COQ3: variants seen among roughly 807,000 people sequenced by gnomAD.
COQ3 encodes the protein coenzyme Q3, methyltransferase.
COQ3 carries 29 observed loss-of-function variants against 33.1 expected under a neutral mutation model. That is an observed-to-expected ratio of 0.88 (90% confidence interval 0.65 to 1.19). COQ3 has a LOEUF of 1.19. COQ3 is among the 50% of genes most tolerant of loss of function. The pLI is 0.00. For missense variants in COQ3, 437 were observed against 430.7 expected (o/e 1.01, Z -0.13); for synonymous variants, 173 against 157.8 (o/e 1.10, Z -0.72).
intron 1 of COQ3, 136 bp from the exon 2 acceptor site, chr6:99,383,960 G>A: frequency 3.4e-6 from 2 of 596,026 alleles, no homozygotes; most frequent in East Asian, 4.0e-5. Flanking sequence ...GAGTGTAATG[G>A]CACAATCATG....
intron 3 of COQ3, among the ~76,000 whole-genome samples, chr6:99,378,081 C>T (rs1447703987): frequency 1.5e-5 from 2 of 129,554 alleles, no homozygotes; most frequent in African/African-American, 2.9e-5. Context: ...AGTATATATA[C>T]ACCTAACAGT....
In COQ3 at chr6:99,380,225, A is replaced by C; in HGVS notation, c.350T>G (p.Leu117Arg). 6.2e-7 allele frequency: 1 copy of C among 1,614,012 alleles called. No individual in the cohort carries two copies. The highest frequency in any genetic ancestry group is 8.5e-7 in the Non-Finnish European group (1 of 1,179,940). The change falls in exon 3 of 7, where the codon CTT becomes CGT. Residue 117 changes from leucine (L) to arginine (R), a missense_variant. Physicochemically the swap from Leu to Arg is moderately radical, Grantham distance 102 (BLOSUM62 -2). Transcript: ENST00000254759. ...CACCCTCAGGTCATTCATGGAATGA[A>C]GAGGTGCATATACTCCTTGTTCATC... ...WWDEQGVYAP[L>R]HSMNDLRVPF...
At chr6:99,375,894 A>G (rs759111764) in intron 5 of COQ3, 46 bp downstream of exon 5, 2 of 1,603,044 alleles carry the variant, frequency 1.2e-6, no homozygotes, top group South Asian at 1.1e-5. Flanking sequence ...ATACAAATAC[A>G]CACACTCAGA....
In COQ3 at chr6:99,389,974, C is replaced by T. The variant is rs6917344; in HGVS notation, c.106+4100G>A. ...ACTAAAAATACAAAAATTAGCCAGG[C>T]GTGGTGGGGTGCGCCTGTAGTCCCA... On this transcript the variant is annotated intron_variant, in intron 1 of 6. Transcript: ENST00000254759. Among the ~76,000 whole-genome samples the T allele has an allele frequency of 7.2e-5, 11 of 152,100 alleles. No homozygotes were observed. The South Asian group carries it at 1.2e-3, about 17-fold the overall frequency.
chr6:99,369,457 T>C lies in COQ3; in HGVS notation c.*143A>G. ...CCTTGAAAGTAGCTATTAGACGAAA[T>C]AACAAAAACTTTTGTCCAAGGTTTT... On this transcript the variant is annotated 3_prime_UTR_variant, in exon 7 of 7. Coordinates refer to ENST00000254759, the MANE Select transcript of COQ3 (RefSeq NM_017421.4). 1 of 645,902 alleles carries C rather than the reference T, an allele frequency of 1.5e-6. No homozygotes were observed. The highest frequency in any genetic ancestry group is 2.7e-5 in the East Asian group (1 of 37,618). 40.0% of individuals were successfully genotyped at this position (645,902 alleles called of 1,614,324 possible).
At position 99,380,236 on chromosome 6, in the gene COQ3, T is replaced by C. The variant is rs745768147; in HGVS notation, c.339A>G (p.Val113=). 1 of 1,614,084 alleles carries C rather than the reference T, an allele frequency of 6.2e-7. No individual in the cohort carries two copies. The highest frequency in any genetic ancestry group is 8.5e-7 in the Non-Finnish European group (1 of 1,179,996). The change falls in exon 3 of 7, where the codon GTA becomes GTG. Residue 113 remains valine (V), a synonymous_variant. Coordinates refer to ENST00000254759, the MANE Select transcript of COQ3 (RefSeq NM_017421.4). ...LAHKWWDEQG[V]YAPLHSMNDL... is the part of the protein sequence containing the mutation. ...CATTCATGGAATGAAGAGGTGCATA[T>C]ACTCCTTGTTCATCCCACCATTTGT... is the stretch of plus-strand genomic sequence containing the variant.
intron 1 of COQ3, among the ~76,000 whole-genome samples, chr6:99,393,610 A>T (rs1449982749): frequency 4.6e-5 from 7 of 152,252 alleles, no homozygotes; most frequent in Non-Finnish European, 7.3e-5. Context: ...TTGCAAATGC[A>T]GTCTGTTGGA....
intron 5 of COQ3, among the ~76,000 whole-genome samples, chr6:99,374,979 T>C (rs1415173071): frequency 1.3e-5 from 2 of 151,802 alleles, no homozygotes; most frequent in Non-Finnish European, 2.9e-5. Context: ...TCCAAATCAA[T>C]TTCTTTCTTT....
intron 1 of COQ3, among the ~76,000 whole-genome samples, chr6:99,389,618 T>G (rs753937311): frequency 6.6e-6 from 1 of 152,210 alleles, no homozygotes; most frequent in Non-Finnish European, 1.5e-5. Context: ...TTTATACATA[T>G]GCAATCATTT....
intron 5 of COQ3, among the ~76,000 whole-genome samples, chr6:99,372,373 A>G (rs1166512920): frequency 6.6e-6 from 1 of 152,022 alleles, no homozygotes; most frequent in Admixed American, 6.6e-5. Flanking sequence ...TAAAGAGAAC[A>G]ACATGAGCAC....
intron 1 of COQ3, among the ~76,000 whole-genome samples, chr6:99,385,976 C>CAAAAAAAAAAAAAAAAAA (rs61403627): frequency 1.0e-5 from 1 of 97,744 alleles, no homozygotes; most frequent in Non-Finnish European, 1.9e-5. Flanking sequence ...GACTCTGTCT[C>CAAAAAAAAAAAAAAAAAA]AAAAAAAAAA....
intron 5 of COQ3, among the ~76,000 whole-genome samples, chr6:99,372,457 G>A (rs552962348): frequency 3.3e-5 from 5 of 152,074 alleles, no homozygotes; most frequent in East Asian, 1.9e-4. Context: ...TTGCTCTGTC[G>A]CCCAGGGTAG....
At position 99,374,132 on chromosome 6, in the gene COQ3, A is replaced by AT. The variant is rs879480562; in HGVS notation, c.729+1807_729+1808insA. ...GCAAACTGACATTAGCAAAAAAAAAAAAAAAAAAAAATTAATAAAATTTAA... is the reference window on the plus strand; with the variant it reads ...GCAAACTGACATTAGCAAAAAAAAAATAAAAAAAAAAATTAATAAAATTTAA... On this transcript the variant is annotated intron_variant, in intron 5 of 6. Coordinates refer to ENST00000254759, the MANE Select transcript of COQ3 (RefSeq NM_017421.4). 2.4e-4 allele frequency among the ~76,000 whole-genome samples: 36 copies of AT among 149,612 alleles called. No individual in the cohort carries two copies. The South Asian group carries it at 4.7e-3, about 19-fold the overall frequency.
At chr6:99,371,280 G>A in intron 6 of COQ3, 148 bp downstream of exon 6, 2 of 554,462 alleles carry the variant, frequency 3.6e-6, no homozygotes, top group Non-Finnish European at 6.1e-6. Context: ...GCTTCCATGA[G>A]TTTATGACCT....
intron 3 of COQ3, among the ~76,000 whole-genome samples, chr6:99,379,139 A>G (rs1331403410): frequency 6.6e-6 from 1 of 151,942 alleles, no homozygotes; most frequent in Non-Finnish European, 1.5e-5. Context: ...AGCATTAGGT[A>G]TATCTCCTAA....
chr6:99,388,251 TAACAATG>T (rs1238088991), intron 1 of COQ3, among the ~76,000 whole-genome samples: 1 of 152,196 alleles, frequency 6.6e-6, no homozygotes, highest in Non-Finnish European at 1.5e-5. Context: ...TTCTATATAT[TAACAATG>T]AACAAGTGGA....
chr6:99,383,811 G>T lies in COQ3; in HGVS notation c.120C>A (p.Asn40Lys). The T allele has an allele frequency of 6.4e-7, 1 of 1,572,308 alleles. No homozygotes were observed. Among genetic ancestry groups the T allele is most frequent in the African/African-American group, 1.4e-5 (1 of 72,084 alleles). The change falls in exon 2 of 7, where the codon AAC (asparagine) becomes AAA (lysine). Residue 40 changes from asparagine to lysine, a missense_variant. By Grantham distance (94) the Asn-to-Lys change is moderately conservative. Coordinates refer to ENST00000254759, the MANE Select transcript of COQ3 (RefSeq NM_017421.4). ...TAATCTGTAGAGTCCCACTGAGCTGGTTCTTCACATAAACTGAAAAAAAAA... is the reference window on the plus strand; with the variant it reads ...TAATCTGTAGAGTCCCACTGAGCTGTTTCTTCACATAAACTGAAAAAAAAA... Reference protein sequence around the residue: ...PLISSAVYVKNQLSGTLQIKP... With the variant: ...PLISSAVYVKKQLSGTLQIKP...
rs1482970937 is a variant in COQ3 at position 99,369,600 on chromosome 6, T to C, written c.1110A>G (p.Ter370TrpextTer26). The change falls in exon 7 of 7, where the codon TGA becomes TGG. Residue 370 changes from the stop codon to tryptophan (W), a stop_lost. Transcript: ENST00000254759. ...NPAVHEKLKK[*>W] is the part of the protein sequence containing the mutation. ...TATTACTATAGTTCTCAGAAACAAT[T>C]CATTTCTTCAGCTTTTCATGCACAG... 6.2e-7 allele frequency: 1 copy of C among 1,607,836 alleles called. No homozygotes were observed. The highest frequency in any genetic ancestry group is 8.5e-7 in the Non-Finnish European group (1 of 1,174,686).
chr6:99,394,181 G>A lies in COQ3; in HGVS notation c.-2C>T, dbSNP rs998656122. 1.9e-6 allele frequency: 3 copies of A among 1,571,042 alleles called. No individual in the cohort carries two copies. In the African/African-American group the frequency reaches 4.2e-5, roughly 22 times the overall value. On this transcript the variant is annotated 5_prime_UTR_variant, in exon 1 of 7. Coordinates refer to ENST00000254759, the MANE Select transcript of COQ3 (RefSeq NM_017421.4). ...GCCCAGCTTACGGCCACTCCACATC[G>A]CGACAAACGATCCCACCTCTTTTCC...
Sources: gnomAD v4.1 joint callset for allele counts (sites outside exome capture counted in the v4.1 genomes callset) on GRCh38, gnomAD v4.1.1 for gene constraint, MANE v1.5 for transcripts, NCBI Gene and HGNC (gene_info 2026-07-23, HGNC 2026-07-21) for gene names.